MLIP: variants seen among roughly 807,000 people sequenced by gnomAD.
MLIP encodes muscular LMNA-interacting protein.
MLIP carries 79 observed loss-of-function variants against 84.8 expected under a neutral mutation model. The ratio of observed to expected loss-of-function variants is 0.93; its 90% CI spans 0.78 to 1.12. MLIP has a LOEUF of 1.12. Ranked by LOEUF, MLIP falls within the 50% of genes most tolerant of loss-of-function variation. The probability of loss-of-function intolerance (pLI) is 0.00; values close to 1 mark genes in which losing one functional copy is unlikely to be tolerated. For missense variants in MLIP, 1,257 were observed against 1,160.6 expected (o/e 1.08, Z -1.21); for synonymous variants, 504 against 463.0 (o/e 1.09, Z -1.14).
chr6:54,100,503 T>G (rs2150388139), intron 1 of MLIP, among the ~76,000 whole-genome samples: 1 of 152,268 alleles, frequency 6.6e-6, no homozygotes, highest in Admixed American at 6.5e-5. Context: ...TATCTCACCT[T>G]TGAAATACTA....
intron 8 of MLIP, 41 bp from the exon 9 acceptor site, chr6:54,169,487 T>G (rs373193914): frequency 8.4e-6 from 12 of 1,421,570 alleles, no homozygotes; most frequent in Non-Finnish European, 1.0e-5. Context: ...TATTATTTAC[T>G]TTATTATTTC....
chr6:54,085,823 C>T (rs1370663900), intron 1 of MLIP, among the ~76,000 whole-genome samples: 2 of 152,162 alleles, frequency 1.3e-5, no homozygotes, highest in Non-Finnish European at 2.9e-5. Flanking sequence ...GTTCTAGCCT[C>T]ATCTCAAGGC....
intron 1 of MLIP, among the ~76,000 whole-genome samples, chr6:54,094,053 T>C (rs1768043411): frequency 6.6e-6 from 1 of 152,192 alleles, no homozygotes; most frequent in South Asian, 2.1e-4. Flanking sequence ...AGAATTACAA[T>C]TATTATGTTG....
At chr6:54,185,462 G>A (rs1777296637) in intron 9 of MLIP, among the ~76,000 whole-genome samples, 1 of 152,086 alleles carries the variant, frequency 6.6e-6, no homozygotes, top group African/African-American at 2.4e-5. Flanking sequence ...CCCAATGAAG[G>A]AATTTGGGGG....
At chr6:54,023,170 A>AAATAATAATAATAAT (rs3064622) in intron 1 of MLIP, among the ~76,000 whole-genome samples, 1 of 103,064 alleles carries the variant, frequency 9.7e-6, no homozygotes, top group African/African-American at 2.8e-5. Context: ...CCATCTCAAA[A>AAATAATAATAATAAT]AATAATAATA....
chr6:54,243,587 G>C (rs1287370334), intron 12 of MLIP, among the ~76,000 whole-genome samples: 1 of 152,090 alleles, frequency 6.6e-6, no homozygotes, highest in Non-Finnish European at 1.5e-5. Context: ...ATAAAGTAGG[G>C]TTTATTTTTT....
chr6:54,072,700 T>C (rs114565436), intron 1 of MLIP, among the ~76,000 whole-genome samples: 2 of 152,304 alleles, frequency 1.3e-5, no homozygotes, highest in East Asian at 1.9e-4. Context: ...GAGTTGCCAC[T>C]GTGATATCCT....
rs1406098203 is a variant in MLIP, at chr6:54,137,465, C to G, written c.1396C>G (p.Leu466Val). Residue 466 changes from leucine to valine, a missense_variant, in exon 4 of 14, where the codon CTC becomes GTC. Coordinates refer to ENST00000502396, the MANE Select transcript of MLIP (RefSeq NM_001281747.2). ...KQTPPTPKKS[L>V]SSCSLRAGSP... ...GACCCCACCCACGCCTAAAAAATCT[C>G]TCTCAAGTTGTTCCCTGAGAGCCGG... is the stretch of plus-strand genomic sequence containing the variant. 1 of 1,535,972 alleles carries G rather than the reference C, an allele frequency of 6.5e-7. No individual in the cohort carries two copies. Among genetic ancestry groups the G allele is most frequent in the South Asian group, 1.2e-5 (1 of 84,060 alleles).
intron 11 of MLIP, chr6:54,215,924 AT>A (rs1422424310): frequency 6.4e-6 from 1 of 156,490 alleles, no homozygotes; most frequent in Non-Finnish European, 1.4e-5. Context: ...ATCACGCAAT[AT>A]TTGTCCTTTT....
intron 1 of MLIP, among the ~76,000 whole-genome samples, chr6:54,098,584 C>T (rs1768402031): frequency 1.3e-5 from 2 of 152,028 alleles, no homozygotes; most frequent in East Asian, 3.9e-4. Context: ...ACAATATTTA[C>T]AACACCGAAG....
intron 1 of MLIP, chr6:54,057,967 G>A (rs1765757813): frequency 6.6e-6 from 1 of 152,112 alleles, no homozygotes; most frequent in Non-Finnish European, 1.5e-5. Flanking sequence ...ACACCATGTT[G>A]ACTTGCATAT....
At chr6:54,171,149 C>G (rs926954224) in intron 9 of MLIP, among the ~76,000 whole-genome samples, 1 of 151,446 alleles carries the variant, frequency 6.6e-6, no homozygotes. Context: ...GATTCTGGAG[C>G]GGCTTCTTCA....
chr6:54,033,404 A>T (rs1764250668), intron 1 of MLIP, among the ~76,000 whole-genome samples: 1 of 151,782 alleles, frequency 6.6e-6, no homozygotes, highest in African/African-American at 2.4e-5. Context: ...GTAGCTGGGA[A>T]TACAGGCGTG....
At chr6:54,252,211 A>G (rs1384396092) in intron 12 of MLIP, among the ~76,000 whole-genome samples, 1 of 110,112 alleles carries the variant, frequency 9.1e-6, no homozygotes, top group Admixed American at 1.2e-4. Flanking sequence ...ATAACATATA[A>G]TATATAACTA....
At chr6:54,041,735 T>C (rs958598010) in intron 1 of MLIP, among the ~76,000 whole-genome samples, 1 of 152,144 alleles carries the variant, frequency 6.6e-6, no homozygotes, top group African/African-American at 2.4e-5. Context: ...CTTAAGTACC[T>C]ATTCAAGGAT....
chr6:54,167,975 G>A (rs536231852), intron 8 of MLIP, among the ~76,000 whole-genome samples: 2 of 151,792 alleles, frequency 1.3e-5, no homozygotes, highest in East Asian at 3.9e-4. Flanking sequence ...ACATCCCCAG[G>A]GCAAAAGCAG....
At chr6:54,227,387 A>C (rs1177474629) in intron 11 of MLIP, among the ~76,000 whole-genome samples, 1 of 152,204 alleles carries the variant, frequency 6.6e-6, no homozygotes, top group Non-Finnish European at 1.5e-5. Flanking sequence ...GGACTATCTA[A>C]AAAAGTCCAA....
intron 10 of MLIP, among the ~76,000 whole-genome samples, chr6:54,193,379 G>T (rs1778080141): frequency 6.6e-6 from 1 of 152,112 alleles, no homozygotes; most frequent in Non-Finnish European, 1.5e-5. Context: ...ATAGGGAGAG[G>T]TTATTTTTGC....
At chr6:54,082,758 ATT>A (rs5876354) in intron 1 of MLIP, among the ~76,000 whole-genome samples, 36,326 of 151,088 alleles carry the variant, frequency 0.24, 4,618 homozygotes, top group African/African-American at 0.32. Flanking sequence ...AATATCTTTC[ATT>A]TTTTTTTTGG....
Sources: gnomAD v4.1 joint callset for allele counts (sites outside exome capture counted in the v4.1 genomes callset) on GRCh38, gnomAD v4.1.1 for gene constraint, MANE v1.5 for transcripts, NCBI Gene and HGNC (gene_info 2026-07-23, HGNC 2026-07-21) for gene names.